LRRN2: variants seen among roughly 807,000 people sequenced by gnomAD.
The protein encoded by LRRN2 is leucine rich repeat neuronal 2, also known as leucine-rich repeat neuronal protein 2.
In LRRN2, 10 loss-of-function variants were observed where a neutral mutation model predicts 35.7. The observed-to-expected ratio is 0.28, with a 90% CI of 0.17 to 0.47. The LOEUF (loss-of-function observed/expected upper bound fraction) is 0.47. Ranked by LOEUF, LRRN2 falls within the 20% of genes least tolerant of loss-of-function variation. The probability of loss-of-function intolerance (pLI) is 0.99; values close to 1 mark genes in which losing one functional copy is unlikely to be tolerated. For missense variants in LRRN2, 731 were observed against 940.3 expected (o/e 0.78, Z 2.91); for synonymous variants, 391 against 409.6 (o/e 0.95, Z 0.55).
In LRRN2 at chr1:204,685,303, C is replaced by T. The variant is rs964762300; in HGVS notation, c.-227+17G>A. The T allele has an allele frequency of 2.0e-5, 3 of 151,982 alleles. No individual in the cohort carries two copies. The highest frequency in any genetic ancestry group is 7.2e-5 in the African/African-American group (3 of 41,394). 9.4% of individuals were successfully genotyped at this position (151,982 alleles called of 1,614,324 possible). A position where few individuals can be genotyped will look rare whatever the true frequency, so the allele number is the denominator to read the frequency against. On this transcript the variant is annotated intron_variant, in intron 1 of 1. Transcript: ENST00000367177. Reference sequence around the variant, plus strand: ...GCGGCGGCGCTGCCCAGGTCAGCCCCGAAGCTGCACACTCACCCCGTGGGC... The same window carrying T: ...GCGGCGGCGCTGCCCAGGTCAGCCCTGAAGCTGCACACTCACCCCGTGGGC...
At chr1:204,638,233 G>C (rs1016152844) in intron 1 of LRRN2, among the ~76,000 whole-genome samples, 1 of 152,074 alleles carries the variant, frequency 6.6e-6, no homozygotes, top group South Asian at 2.1e-4. Context: ...GTGATCTGGG[G>C]CCAGGCCTCC....
intron 1 of LRRN2, among the ~76,000 whole-genome samples, chr1:204,669,706 G>A (rs2772235): frequency 0.69 from 105,041 of 152,070 alleles, 37,913 homozygotes; most frequent in Non-Finnish European, 0.8. Flanking sequence ...GAAACAGCAC[G>A]TGTGAAGGCC....
intron 1 of LRRN2, among the ~76,000 whole-genome samples, chr1:204,655,610 T>A (rs1668331028): frequency 8.2e-6 from 1 of 122,006 alleles, no homozygotes; most frequent in African/African-American, 2.6e-5. Flanking sequence ...GAGGTTTTTT[T>A]GTTTTTTTTT....
chr1:204,648,732 A>G (rs572829259), intron 1 of LRRN2, among the ~76,000 whole-genome samples: 5 of 152,336 alleles, frequency 3.3e-5, no homozygotes, highest in Admixed American at 1.3e-4. Context: ...ACAGAAATAA[A>G]TAAGACCCAT....
chr1:204,618,189 C>T lies in LRRN2; in HGVS notation c.1804G>A (p.Ala602Thr). Residue 602 changes from alanine to threonine, a missense_variant, in exon 2 of 2, where the codon GCT (alanine) becomes ACT (threonine). By Grantham distance (58) the Ala-to-Thr change is moderately conservative. This residue lies in a region of LRRN2 where 229 missense variants were observed against 258.4 expected (regional missense o/e 0.89). Transcript: ENST00000367177. ...CAAGCCAACTGGGTGTGGGCATCAG[C>T]AAAGGCCACTTGCAGGCAGGCCCAG... Reference protein sequence around the residue: ...EYWACLQVAFADAHTQLACVW... With the variant: ...EYWACLQVAFTDAHTQLACVW... 1.9e-6 allele frequency: 3 copies of T among 1,614,164 alleles called. No individual in the cohort carries two copies. The highest frequency in any genetic ancestry group is 2.5e-6 in the Non-Finnish European group (3 of 1,180,020).
intron 1 of LRRN2, among the ~76,000 whole-genome samples, chr1:204,631,162 T>C (rs1667681642): frequency 6.7e-6 from 1 of 148,550 alleles, no homozygotes; most frequent in African/African-American, 2.5e-5. Context: ...TGATGCATGC[T>C]GAAGTTTGAG....
chr1:204,648,425 G>A (rs1422325556), intron 1 of LRRN2, among the ~76,000 whole-genome samples: 1 of 152,202 alleles, frequency 6.6e-6, no homozygotes, highest in East Asian at 1.9e-4. Context: ...CCCAGAGCCA[G>A]GAAATTCCTT....
chr1:204,626,385 CT>C (rs921210104), intron 1 of LRRN2, among the ~76,000 whole-genome samples: 2 of 152,102 alleles, frequency 1.3e-5, no homozygotes, highest in African/African-American at 2.4e-5. Context: ...CACACTTCCC[CT>C]GACTGCCTCT....
intron 1 of LRRN2, among the ~76,000 whole-genome samples, chr1:204,639,983 C>T (rs1667944199): frequency 6.6e-6 from 1 of 152,086 alleles, no homozygotes; most frequent in Non-Finnish European, 1.5e-5. Context: ...AAATATAATT[C>T]ATATACCATA....
In LRRN2 at chr1:204,631,258, ATATATATAT is replaced by A. The variant is rs1667688307; in HGVS notation, c.-226-11049_-226-11041del. 3.2e-3 allele frequency among the ~76,000 whole-genome samples: 126 copies of A among 38,992 alleles called. 13 individuals are homozygous for A. Among genetic ancestry groups the A allele is most frequent in the Middle Eastern group, 8.8e-3 (1 of 114 alleles). The allele number at this position is 38,992 out of a possible 152,430, so 25.6% of individuals were successfully genotyped here. A position where few individuals can be genotyped will look rare whatever the true frequency, so the allele number is the denominator to read the frequency against. ...AGAAGAGTGATACCTAGAGTGTTCT[ATATATATAT>A]ATATATATATATATATATATATATA... On this transcript the variant is annotated intron_variant, in intron 1 of 1. Coordinates refer to ENST00000367177, the MANE Select transcript of LRRN2 (RefSeq NM_201630.2).
At chr1:204,620,617 G>A (rs1666821356) in intron 1 of LRRN2, 1 of 173,776 alleles carries the variant, frequency 5.8e-6, no homozygotes, top group African/African-American at 2.4e-5. Flanking sequence ...GAGCTGCAGA[G>A]GTAATGGCCA....
intron 1 of LRRN2, among the ~76,000 whole-genome samples, chr1:204,674,836 G>A (rs1356698550): frequency 2.6e-5 from 4 of 152,246 alleles, no homozygotes; most frequent in Non-Finnish European, 4.4e-5. Flanking sequence ...AAGGGGCTGA[G>A]GTCAGGACTG....
intron 1 of LRRN2, among the ~76,000 whole-genome samples, chr1:204,630,717 G>T (rs1211279207): frequency 6.6e-6 from 1 of 151,926 alleles, no homozygotes; most frequent in Non-Finnish European, 1.5e-5. Context: ...CCTCTCCTGT[G>T]CCCCTCCCCA....
intron 1 of LRRN2, among the ~76,000 whole-genome samples, chr1:204,682,232 C>T (rs1242564846): frequency 6.6e-6 from 1 of 152,156 alleles, no homozygotes; most frequent in East Asian, 1.9e-4. Context: ...TTGTCACATA[C>T]CTGTGTAGGA....
chr1:204,620,169 C>CT lies in LRRN2; in HGVS notation c.-178dup, dbSNP rs1666775763. ...CTCAATATGCCTTCTCTTCCTTGTC[C>CT]TCTGGGGCTGGGCCTGCTCAGTCAT... On this transcript the variant is annotated 5_prime_UTR_variant, in exon 2 of 2. An upstream open reading frame in the 5' UTR gains an earlier in-frame stop. Transcript: ENST00000367177. 1.4e-6 allele frequency: 2 copies of CT among 1,450,156 alleles called. No individual in the cohort carries two copies. Among genetic ancestry groups the CT allele is most frequent in the Non-Finnish European group, 1.8e-6 (2 of 1,100,412 alleles). The allele number at this position is 1,450,156 out of a possible 1,614,324, so 89.8% of individuals were successfully genotyped here. A position where few individuals can be genotyped will look rare whatever the true frequency, so the allele number is the denominator to read the frequency against.
intron 1 of LRRN2, among the ~76,000 whole-genome samples, chr1:204,646,834 A>G (rs756204566): frequency 6.6e-6 from 1 of 152,188 alleles, no homozygotes; most frequent in South Asian, 2.1e-4. Flanking sequence ...ATATATCTCT[A>G]TATTCTAACA....
At position 204,619,713 on chromosome 1, in the gene LRRN2, T is replaced by C. The variant is rs751137278; in HGVS notation, c.280A>G (p.Asn94Asp). The change falls in exon 2 of 2, where the codon AAT (asparagine) becomes GAT (aspartate). Residue 94 changes from asparagine to aspartate, a missense_variant. Transcript: ENST00000367177. ...TGGGACAGGTCCAGCTCTGTGAGAT[T>C]GGCCAGGTAGCCCAGCTCACTCTGG... is the stretch of plus-strand genomic sequence containing the variant. ...VDQSELGYLA[N>D]LTELDLSQNS... 3.1e-6 allele frequency: 5 copies of C among 1,614,194 alleles called. No individual in the cohort carries two copies. The South Asian group carries it at 5.5e-5, about 18-fold the overall frequency.
At chr1:204,671,558 A>G (rs1260871385) in intron 1 of LRRN2, among the ~76,000 whole-genome samples, 1 of 139,844 alleles carries the variant, frequency 7.2e-6, no homozygotes, top group African/African-American at 2.6e-5. Context: ...AGTTTAGGAT[A>G]TTGGCAGGAG....
intron 1 of LRRN2, among the ~76,000 whole-genome samples, chr1:204,660,913 C>G (rs1668458618): frequency 6.6e-6 from 1 of 152,156 alleles, no homozygotes; most frequent in South Asian, 2.1e-4. Flanking sequence ...GAGGGACTGG[C>G]AGGGGAGTGG....
Sources: allele counts gnomAD v4.1 joint callset (sites outside exome capture counted in the v4.1 genomes callset), GRCh38; gene constraint gnomAD v4.1.1; regional missense constraint gnomAD v4.1.1; transcripts MANE v1.5; gene names NCBI Gene and HGNC (gene_info 2026-07-23, HGNC 2026-07-21).